Variants in CCL25 observed in about 807,000 individuals in gnomAD.
CCL25 encodes the protein C-C motif chemokine ligand 25, also known as C-C motif chemokine 25.
In CCL25, 14 loss-of-function variants were observed where a neutral mutation model predicts 19.9. That is an observed-to-expected ratio of 0.70 (90% CI 0.47 to 1.10). The LOEUF (loss-of-function observed/expected upper bound fraction) is 1.10. Ranked by LOEUF, CCL25 falls within the 50% of genes least tolerant of loss-of-function variation. The pLI is 0.00. For missense variants in CCL25, 151 were observed against 181.2 expected, an observed-to-expected ratio of 0.83 and a Z score of 0.96; for synonymous variants, 68 against 73.2, an observed-to-expected ratio of 0.93 and a Z score of 0.36.
intron 4 of CCL25, 36 bp from the exon 5 acceptor site, chr19:8,057,765 C>A: frequency 6.3e-7 from 1 of 1,587,046 alleles, no homozygotes; most frequent in East Asian, 2.3e-5. Context: ...AGGATGATGG[C>A]AGAGCTCTTG....
At chr19:8,055,192 G>A (rs1444016430) in intron 2 of CCL25, among the ~76,000 whole-genome samples, 2 of 133,736 alleles carry the variant, frequency 1.5e-5, no homozygotes, top group Non-Finnish European at 3.2e-5. Context: ...GGGAGGCTGA[G>A]GCAGGAGAAT....
chr19:8,059,084 A>T (rs1348361122), intron 5 of CCL25, among the ~76,000 whole-genome samples: 1 of 108,220 alleles, frequency 9.2e-6, no homozygotes, highest in African/African-American at 3.5e-5. Context: ...TAATATATAT[A>T]ATATATATAA....
chr19:8,054,259 T>C (rs967436812), intron 2 of CCL25, among the ~76,000 whole-genome samples: 11 of 152,240 alleles, frequency 7.2e-5, no homozygotes, highest in African/African-American at 2.7e-4. Flanking sequence ...TCCAAGTCCT[T>C]GGCCTTTGCC....
chr19:8,061,212 C>T (rs976505615), intron 5 of CCL25, among the ~76,000 whole-genome samples: 3 of 151,702 alleles, frequency 2.0e-5, no homozygotes, highest in Non-Finnish European at 4.4e-5. Context: ...TGGTCTTGAA[C>T]TCCTGACCTC....
intron 2 of CCL25, among the ~76,000 whole-genome samples, chr19:8,054,317 G>A (rs2081253376): frequency 6.6e-6 from 1 of 152,248 alleles, no homozygotes; most frequent in South Asian, 2.1e-4. Context: ...ATCAGAGCCA[G>A]GCCCAGCCCA....
chr19:8,062,344 C>T lies in CCL25; in HGVS notation c.*119C>T, dbSNP rs1275900293. The T allele has an allele frequency of 1.8e-6, 2 of 1,137,522 alleles. No homozygotes were observed. The highest frequency in any genetic ancestry group is 2.6e-6 in the Non-Finnish European group (2 of 760,022). 70.5% of individuals were successfully genotyped at this position (1,137,522 alleles called of 1,614,324 possible). ...TGTCTTTTGGGTCAAGTCTTAATCC[C>T]TGCACCTGAGTTGGTCCTCCCTCTG... On this transcript the variant is annotated 3_prime_UTR_variant, in exon 6 of 6. Coordinates refer to ENST00000315626, the MANE Select transcript of CCL25 (RefSeq NM_005624.4).
At chr19:8,052,946 G>A in intron 1 of CCL25, 54 bp from the exon 2 acceptor site, 1 of 697,548 alleles carries the variant, frequency 1.4e-6, no homozygotes, top group East Asian at 2.9e-5. Context: ...GATGTTCCCA[G>A]TACCCACTCC....
Position 8,052,790 on chromosome 19 carries a change from C to A in CCL25, c.-83C>A, listed in dbSNP as rs562319848. ...TGGGACAGCTTGGCCTACAGCCCGG[C>A]GGGCATCAGCTCCCTTGACCCAGTG... On this transcript the variant is annotated 5_prime_UTR_variant, in exon 1 of 6. Coordinates refer to ENST00000315626, the MANE Select transcript of CCL25 (RefSeq NM_005624.4). The A allele has an allele frequency of 1.6e-5, 7 of 441,912 alleles. No individual in the cohort carries two copies. Among genetic ancestry groups the A allele is most frequent in the Admixed American group, 3.9e-5 (1 of 25,956 alleles). 27.4% of individuals were successfully genotyped at this position (441,912 alleles called of 1,614,324 possible). A position where few individuals can be genotyped will look rare whatever the true frequency, so the allele number is the denominator to read the frequency against.
At position 8,057,784 on chromosome 19, in the gene CCL25, T is replaced by G. The variant is rs542589883; in HGVS notation, c.326-17T>G. ...TGATGGCAGAGCTCTTGCTTATTTC[T>G]CTCTCCATTTCTCCAGCAGGCCCTC... On this transcript the variant is annotated splice_polypyrimidine_tract_variant and intron_variant, in intron 4 of 5. Transcript: ENST00000315626. The G allele has an allele frequency of 3.9e-5, 62 of 1,607,492 alleles. 1 individual carries two copies. In the South Asian group the frequency reaches 5.8e-4, roughly 15 times the overall value.
intron 5 of CCL25, among the ~76,000 whole-genome samples, chr19:8,059,138 TTATATAA>T (rs1555719122): frequency 2.5e-5 from 2 of 81,530 alleles, no homozygotes; most frequent in African/African-American, 1.1e-4. Context: ...TAAATATATA[TTATATAA>T]TATATAATAT....
intron 4 of CCL25, among the ~76,000 whole-genome samples, chr19:8,056,924 C>G (rs1568334400): frequency 6.6e-6 from 1 of 152,170 alleles, no homozygotes; most frequent in African/African-American, 2.4e-5. Flanking sequence ...CTCACTGAAG[C>G]CTTGACCTCC....
rs970229645 is a variant in CCL25, at chr19:8,052,821, C to T, written c.-52C>T. 2.0e-5 allele frequency: 10 copies of T among 493,316 alleles called. No individual in the cohort carries two copies. The highest frequency in any genetic ancestry group is 1.6e-4 in the East Asian group (5 of 31,340). 30.6% of individuals were successfully genotyped at this position (493,316 alleles called of 1,614,324 possible). ...TCAGCTCCCTTGACCCAGTGGATAT[C>T]GGTGAGTCTTTTCCTTGAACATGAC... On this transcript the variant is annotated splice_region_variant and 5_prime_UTR_variant, in exon 1 of 6. Transcript: ENST00000315626.
intron 2 of CCL25, 124 bp from the exon 3 acceptor site, chr19:8,056,028 C>G: frequency 1.5e-6 from 1 of 655,178 alleles, no homozygotes. Context: ...TCCTCAGCCT[C>G]TGCCGGGCCT....
intron 5 of CCL25, among the ~76,000 whole-genome samples, chr19:8,060,362 T>C (rs1239263855): frequency 6.6e-6 from 1 of 151,716 alleles, no homozygotes; most frequent in Non-Finnish European, 1.5e-5. Flanking sequence ...TAAAAAGATA[T>C]TACAAAGGAT....
At position 8,057,839 on chromosome 19, in the gene CCL25, TC is replaced by T. The variant is rs1407622328; in HGVS notation, c.366del (p.Lys123SerfsTer21). ...HAVKKLSSGN[S>X]KLSSSKFSNP... ...TGTAAAGAAGTTGAGTTCTGGAAAC[TC>T]CAAGTTATCATCGTCCAAGTTTAGC... On this transcript the variant is annotated frameshift_variant, in exon 5 of 6. Transcript: ENST00000315626. LOFTEE classifies it high-confidence loss of function. The T allele has an allele frequency of 1.2e-6, 2 of 1,613,366 alleles. No homozygotes were observed. Among genetic ancestry groups the T allele is most frequent in the Non-Finnish European group, 1.7e-6 (2 of 1,179,582 alleles).
In CCL25 at chr19:8,062,372, C is replaced by T. The variant is rs974806633; in HGVS notation, c.*147C>T. ...CACCTGAGTTGGTCCTCCCTCTGCA[C>T]CCCCACCACCTCCTGCCCGTCTGGC... On this transcript the variant is annotated 3_prime_UTR_variant, in exon 6 of 6. Coordinates refer to ENST00000315626, the MANE Select transcript of CCL25 (RefSeq NM_005624.4). 22 of 777,112 alleles carry T rather than the reference C, an allele frequency of 2.8e-5. No homozygotes were observed. The East Asian group carries it at 3.2e-4, about 11-fold the overall frequency. The allele number at this position is 777,112 out of a possible 1,614,324, so 48.1% of individuals were successfully genotyped here. A position where few individuals can be genotyped will look rare whatever the true frequency, so the allele number is the denominator to read the frequency against.
At chr19:8,057,739 G>A (rs2081282486) in intron 4 of CCL25, 62 bp from the exon 5 acceptor site, 1 of 1,538,696 alleles carries the variant, frequency 6.5e-7, no homozygotes, top group Non-Finnish European at 8.8e-7. Context: ...AGGCTCAGCT[G>A]GATCCAGGAG....
chr19:8,059,547 A>G (rs985509349), intron 5 of CCL25, among the ~76,000 whole-genome samples: 5 of 152,092 alleles, frequency 3.3e-5, no homozygotes, highest in Non-Finnish European at 2.9e-5. Context: ...TTAAGGACTC[A>G]GTCCCACAAG....
chr19:8,052,998 A>G lies in CCL25; in HGVS notation c.-50-2A>G. The G allele has an allele frequency of 7.5e-7, 1 of 1,328,340 alleles. No homozygotes were observed. The highest frequency in any genetic ancestry group is 2.0e-5 in the Admixed American group (1 of 48,882). The allele number at this position is 1,328,340 out of a possible 1,614,324, so 82.3% of individuals were successfully genotyped here. ...CCTTACCACTTCCCTCCACGACCCC[A>G]GGTGGCCCCGTTATTCGTCCAGGTG... On this transcript the variant is annotated splice_acceptor_variant, in intron 1 of 5. Transcript: ENST00000315626. LOFTEE classifies it low-confidence loss of function (5UTR_SPLICE).
Sources: allele counts gnomAD v4.1 joint callset (sites outside exome capture counted in the v4.1 genomes callset), GRCh38; gene constraint gnomAD v4.1.1; transcripts MANE v1.5; gene names NCBI Gene and HGNC (gene_info 2026-07-23, HGNC 2026-07-21).